GTF2E2: variants seen among roughly 807,000 people sequenced by gnomAD.
GTF2E2 encodes the protein general transcription factor IIE subunit 2, also known as transcription initiation factor IIE subunit beta.
GTF2E2 carries 21 observed loss-of-function variants against 40.5 expected under a neutral mutation model. The ratio of observed to expected loss-of-function variants is 0.52; its 90% CI spans 0.37 to 0.75. GTF2E2 has a LOEUF of 0.75. Ranked by LOEUF, GTF2E2 falls within the 30% of genes least tolerant of loss-of-function variation. The probability of loss-of-function intolerance (pLI) is 0.00; values close to 1 mark genes in which losing one functional copy is unlikely to be tolerated. For missense variants in GTF2E2, 298 were observed against 338.4 expected (o/e 0.88, Z 0.94); for synonymous variants, 117 against 121.6 (o/e 0.96, Z 0.25).
chr8:30,642,952 A>G (rs1201087016), intron 2 of GTF2E2, among the ~76,000 whole-genome samples: 3 of 152,176 alleles, frequency 2.0e-5, no homozygotes, highest in Admixed American at 6.5e-5. Flanking sequence ...AGTAGATGAG[A>G]TATCTCTTTT....
At chr8:30,594,178 C>T (rs1828929233) in intron 6 of GTF2E2, among the ~76,000 whole-genome samples, 1 of 151,652 alleles carries the variant, frequency 6.6e-6, no homozygotes, top group Admixed American at 6.6e-5. Context: ...GTGATCTGCC[C>T]ACCTCGGCCT....
chr8:30,646,307 T>C (rs1290095114), intron 2 of GTF2E2, among the ~76,000 whole-genome samples: 2 of 152,122 alleles, frequency 1.3e-5, no homozygotes, highest in Non-Finnish European at 2.9e-5. Flanking sequence ...CTCTCTTATT[T>C]ATACTCTCAA....
At chr8:30,647,886 C>A (rs950347609) in intron 2 of GTF2E2, among the ~76,000 whole-genome samples, 2 of 152,178 alleles carry the variant, frequency 1.3e-5, no homozygotes, top group Admixed American at 1.3e-4. Context: ...ATTTAGTCAT[C>A]CAACAAATAT....
chr8:30,586,669 G>T (rs900255723), intron 6 of GTF2E2, among the ~76,000 whole-genome samples: 5 of 152,234 alleles, frequency 3.3e-5, no homozygotes, highest in Middle Eastern at 3.4e-3. Flanking sequence ...AAACAGCATG[G>T]GACTGGCATA....
At chr8:30,652,850 T>C (rs1037800108) in intron 2 of GTF2E2, among the ~76,000 whole-genome samples, 2 of 152,202 alleles carry the variant, frequency 1.3e-5, no homozygotes, top group African/African-American at 2.4e-5. Context: ...CTGTGGTACA[T>C]ATATCCATAC....
At chr8:30,636,580 A>AC (rs776413135) in intron 2 of GTF2E2, among the ~76,000 whole-genome samples, 14 of 152,238 alleles carry the variant, frequency 9.2e-5, no homozygotes, top group Non-Finnish European at 1.6e-4. Flanking sequence ...ACTGAAGTCT[A>AC]CCATGTTTCC....
intron 6 of GTF2E2, among the ~76,000 whole-genome samples, chr8:30,593,391 T>C (rs1002628505): frequency 2.6e-5 from 4 of 152,254 alleles, no homozygotes; most frequent in Non-Finnish European, 5.9e-5. Context: ...CCTTTTAGTT[T>C]CATCCATTTT....
intron 3 of GTF2E2, among the ~76,000 whole-genome samples, chr8:30,625,205 T>G (rs1344838795): frequency 2.0e-5 from 3 of 151,318 alleles, no homozygotes; most frequent in Admixed American, 6.6e-5. Flanking sequence ...TTATTGAGGG[T>G]TTTTTTTTAG....
intron 3 of GTF2E2, among the ~76,000 whole-genome samples, chr8:30,617,731 G>A (rs563457064): frequency 1.4e-5 from 2 of 148,008 alleles, no homozygotes; most frequent in Admixed American, 6.8e-5. Flanking sequence ...CAGCCTGGGT[G>A]ACAGAACCAG....
intron 6 of GTF2E2, among the ~76,000 whole-genome samples, chr8:30,587,470 C>CAA (rs60625075): frequency 0.023 from 3,448 of 147,250 alleles, 121 homozygotes; most frequent in Admixed American, 0.09. Flanking sequence ...AAAATAATAG[C>CAA]AAAAAAAAAA....
chr8:30,590,883 G>A (rs1264443259), intron 6 of GTF2E2, among the ~76,000 whole-genome samples: 1 of 151,500 alleles, frequency 6.6e-6, no homozygotes, highest in African/African-American at 2.4e-5. Context: ...TAGAGACAGG[G>A]TTTTGCCATG....
intron 6 of GTF2E2, chr8:30,596,989 G>A (rs1464842835): frequency 1.3e-5 from 2 of 152,406 alleles, no homozygotes; most frequent in African/African-American, 2.4e-5. Flanking sequence ...CTGCATCTGA[G>A]CTGGTCTGCC....
At chr8:30,585,904 T>G (rs910537903) in intron 6 of GTF2E2, among the ~76,000 whole-genome samples, 1 of 149,760 alleles carries the variant, frequency 6.7e-6, no homozygotes, top group African/African-American at 2.5e-5. Context: ...GGGCAATATA[T>G]AGAGACACCA....
chr8:30,641,719 A>C (rs1262181584), intron 2 of GTF2E2, among the ~76,000 whole-genome samples: 1 of 152,230 alleles, frequency 6.6e-6, no homozygotes, highest in African/African-American at 2.4e-5. Context: ...TCTACTAAAA[A>C]GACAAAAATT....
chr8:30,584,227 T>C (rs535692170), intron 6 of GTF2E2, among the ~76,000 whole-genome samples: 6 of 152,174 alleles, frequency 3.9e-5, no homozygotes, highest in African/African-American at 1.4e-4. Flanking sequence ...GTTTTTCTTC[T>C]TTCTCTCACT....
At chr8:30,605,551 T>C (rs1345451598) in intron 6 of GTF2E2, among the ~76,000 whole-genome samples, 1 of 152,228 alleles carries the variant, frequency 6.6e-6, no homozygotes, top group African/African-American at 2.4e-5. Flanking sequence ...GTGATAGGTT[T>C]TTTTAAGTAC....
intron 3 of GTF2E2, among the ~76,000 whole-genome samples, chr8:30,628,845 C>T (rs1211720502): frequency 1.3e-5 from 2 of 151,638 alleles, no homozygotes; most frequent in African/African-American, 2.4e-5. Flanking sequence ...GCAGGAGAAT[C>T]GCTTGAACCC....
chr8:30,606,010 T>A (rs575580921), intron 6 of GTF2E2, among the ~76,000 whole-genome samples: 1 of 152,288 alleles, frequency 6.6e-6, no homozygotes, highest in South Asian at 2.1e-4. Context: ...AAAGGCAACA[T>A]TGCAAGTAAC....
rs1300370155 is a variant in GTF2E2 at position 30,598,267 on chromosome 8, T to C, written c.643+8790A>G. ...CCTTGAAAACAGAAATTTCTTTGCC[T>C]TTCTACCTGATATGCAAAGAAGCTT... On this transcript the variant is annotated intron_variant, in intron 6 of 7. Transcript: ENST00000355904. 2.6e-5 allele frequency among the ~76,000 whole-genome samples: 4 copies of C among 152,340 alleles called. No homozygotes were observed. In the South Asian group the frequency reaches 8.3e-4, roughly 32 times the overall value.
Sources: allele counts gnomAD v4.1 joint callset (sites outside exome capture counted in the v4.1 genomes callset), GRCh38; gene constraint gnomAD v4.1.1; transcripts MANE v1.5; gene names NCBI Gene and HGNC (gene_info 2026-07-23, HGNC 2026-07-21).